NEK11: variants seen among roughly 807,000 people sequenced by gnomAD.
The protein encoded by NEK11 is serine/threonine-protein kinase Nek11.
Under a neutral mutation model 80.7 loss-of-function variants are expected in NEK11, and 72 were observed. The observed-to-expected ratio is 0.89, with a 90% CI of 0.74 to 1.08. The LOEUF is 1.08. NEK11 is among the 50% of genes least tolerant of loss of function. The pLI is 0.00. For missense variants in NEK11, 764 were observed against 763.6 expected (o/e 1.00, Z -0.01); for synonymous variants, 251 against 260.7 (o/e 0.96, Z 0.36).
chr3:131,312,433 A>G (rs1300719758), intron 17 of NEK11, among the ~76,000 whole-genome samples: 1 of 152,200 alleles, frequency 6.6e-6, no homozygotes, highest in African/African-American at 2.4e-5. Context: ...AGATGAAACA[A>G]GTATCTTCTA....
intron 7 of NEK11, among the ~76,000 whole-genome samples, chr3:131,142,107 G>A (rs2087041672): frequency 6.6e-6 from 1 of 152,202 alleles, no homozygotes; most frequent in Non-Finnish European, 1.5e-5. Flanking sequence ...CACAGGTTAT[G>A]CTCTGAAAAA....
At chr3:131,034,828 A>T (rs942667196) in intron 3 of NEK11, among the ~76,000 whole-genome samples, 9 of 152,352 alleles carry the variant, frequency 5.9e-5, no homozygotes, top group Admixed American at 5.2e-4. Flanking sequence ...ACAGTACAAG[A>T]CAATGCTTAA....
At chr3:131,225,218 T>G (rs768062326) in intron 14 of NEK11, among the ~76,000 whole-genome samples, 16 of 152,244 alleles carry the variant, frequency 1.1e-4, no homozygotes, top group Non-Finnish European at 1.3e-4. Context: ...GATACACAAG[T>G]ACTTACCACT....
At chr3:131,041,623 T>G (rs1192668120) in intron 3 of NEK11, among the ~76,000 whole-genome samples, 15 of 152,114 alleles carry the variant, frequency 9.9e-5, no homozygotes. Context: ...ATTGGACAGT[T>G]TTTTAGTTCA....
At chr3:131,340,939 A>C (rs2097274665) in intron 17 of NEK11, among the ~76,000 whole-genome samples, 3 of 152,256 alleles carry the variant, frequency 2.0e-5, no homozygotes, top group African/African-American at 7.2e-5. Context: ...ATAGAAAACA[A>C]TGAAAATATA....
intron 17 of NEK11, among the ~76,000 whole-genome samples, chr3:131,311,093 T>G (rs1288896461): frequency 1.3e-5 from 2 of 152,172 alleles, no homozygotes; most frequent in Non-Finnish European, 2.9e-5. Flanking sequence ...TTTAGGAGAT[T>G]TAGAAGCCCT....
chr3:131,187,150 C>T (rs1214141865), intron 14 of NEK11, among the ~76,000 whole-genome samples: 1 of 152,102 alleles, frequency 6.6e-6, no homozygotes, highest in African/African-American at 2.4e-5. Context: ...AATCCACTAG[C>T]CACATGTGGT....
At chr3:131,043,310 C>G (rs1225208954) in intron 3 of NEK11, among the ~76,000 whole-genome samples, 1 of 152,146 alleles carries the variant, frequency 6.6e-6, no homozygotes, top group Non-Finnish European at 1.5e-5. Context: ...ATAATGAACT[C>G]CTCCGAGCTA....
chr3:131,111,644 C>G (rs1410729333), intron 5 of NEK11, among the ~76,000 whole-genome samples: 1 of 152,104 alleles, frequency 6.6e-6, no homozygotes, highest in African/African-American at 2.4e-5. Context: ...TGAGAGCAAG[C>G]TCTCCTCTCT....
chr3:131,106,994 A>G (rs2079281169), intron 4 of NEK11, among the ~76,000 whole-genome samples: 1 of 152,038 alleles, frequency 6.6e-6, no homozygotes. Flanking sequence ...AAGACTTAAG[A>G]TTTTTTCCAT....
At chr3:131,055,603 G>A (rs1421211185) in intron 3 of NEK11, among the ~76,000 whole-genome samples, 2 of 152,176 alleles carry the variant, frequency 1.3e-5, no homozygotes, top group East Asian at 3.9e-4. Context: ...GGTGGCATAT[G>A]CCTGTAGTCC....
intron 17 of NEK11, among the ~76,000 whole-genome samples, chr3:131,332,004 G>C (rs1187419838): frequency 6.6e-6 from 1 of 152,240 alleles, no homozygotes; most frequent in Non-Finnish European, 1.5e-5. Context: ...AAGGAGGCCT[G>C]CCTGCCTCTG....
chr3:131,123,355 T>A (rs149319687), intron 5 of NEK11, among the ~76,000 whole-genome samples: 7 of 152,234 alleles, frequency 4.6e-5, no homozygotes, highest in African/African-American at 1.7e-4. Flanking sequence ...TTAGTAGAGA[T>A]GGGGTTTCAC....
intron 17 of NEK11, among the ~76,000 whole-genome samples, chr3:131,332,731 C>T (rs979213716): frequency 6.6e-6 from 1 of 151,766 alleles, no homozygotes; most frequent in Non-Finnish European, 1.5e-5. Context: ...AAAATTTAGA[C>T]GAATGTATAA....
chr3:131,311,392 C>A (rs1395087788), intron 17 of NEK11, among the ~76,000 whole-genome samples: 1 of 152,156 alleles, frequency 6.6e-6, no homozygotes, highest in Non-Finnish European at 1.5e-5. Context: ...CATTAACCAA[C>A]CTTTGTTCAC....
chr3:131,131,261 C>T (rs1264369398), intron 5 of NEK11, among the ~76,000 whole-genome samples: 1 of 152,166 alleles, frequency 6.6e-6, no homozygotes, highest in Non-Finnish European at 1.5e-5. Context: ...AGTATTTCCT[C>T]TGCTTTTATT....
At chr3:131,262,787 A>T (rs183029083) in intron 16 of NEK11, among the ~76,000 whole-genome samples, 164 of 152,096 alleles carry the variant, frequency 1.1e-3, no homozygotes, top group African/African-American at 3.8e-3. Flanking sequence ...TACATTAGGT[A>T]TTTCTCCTAA....
intron 3 of NEK11, among the ~76,000 whole-genome samples, chr3:131,056,950 A>G (rs532281508): frequency 6.6e-6 from 1 of 151,480 alleles, no homozygotes; most frequent in African/African-American, 2.4e-5. Context: ...GGTTAGTTAC[A>G]TATGTATACA....
chr3:131,326,119 G>A (rs1423785835), intron 17 of NEK11: 1 of 152,212 alleles, frequency 6.6e-6, no homozygotes, highest in Non-Finnish European at 1.5e-5. Flanking sequence ...CAGTAGGAGA[G>A]CTGGATTTTT....
Sources: gnomAD v4.1 joint callset for allele counts (sites outside exome capture counted in the v4.1 genomes callset) on GRCh38, gnomAD v4.1.1 for gene constraint, MANE v1.5 for transcripts, NCBI Gene and HGNC (gene_info 2026-07-23, HGNC 2026-07-21) for gene names.